Variants in TPD52L2 observed in about 807,000 individuals in gnomAD.
TPD52L2 encodes TPD52 like 2.
Under a neutral mutation model 24.7 loss-of-function variants are expected in TPD52L2, and 19 were observed. The observed-to-expected ratio is 0.77, with a 90% CI of 0.54 to 1.13. TPD52L2 has a LOEUF of 1.13. TPD52L2 is among the 50% of genes most tolerant of loss of function. TPD52L2 has a pLI of 0.00. For missense variants in TPD52L2, 236 were observed against 250.4 expected (o/e 0.94, Z 0.39); for synonymous variants, 104 against 100.2 (o/e 1.04, Z -0.23).
intron 4 of TPD52L2, among the ~76,000 whole-genome samples, chr20:63,878,761 C>T (rs564125694): frequency 2.6e-5 from 4 of 152,286 alleles, no homozygotes; most frequent in East Asian, 1.9e-4. Flanking sequence ...GGGACGAAAC[C>T]GCTGTCTGTC....
In TPD52L2 at chr20:63,883,820, G is replaced by GCCTC. The variant is rs1210002113; in HGVS notation, c.476+1003_476+1004insCCCT. Reference sequence around the variant, plus strand: ...AGATACGTACATCTCCTGCTGGGCTGCCTGCCTGCCTGCCTGCCTGCCTCC... The same window carrying GCCTC: ...AGATACGTACATCTCCTGCTGGGCTGCCTCCCTGCCTGCCTGCCTGCCTGCCTCC... On this transcript the variant is annotated intron_variant, in intron 5 of 6. Coordinates refer to ENST00000346249, the MANE Select transcript of TPD52L2 (RefSeq NM_003288.4). Among the ~76,000 whole-genome samples the GCCTC allele has an allele frequency of 2.5e-4, 21 of 84,614 alleles. No homozygotes were observed. The South Asian group carries it at 5.1e-3, about 21-fold the overall frequency. 55.5% of individuals were successfully genotyped at this position (84,614 alleles called of 152,430 possible).
chr20:63,870,681 G>A (rs1188523594), intron 2 of TPD52L2, among the ~76,000 whole-genome samples: 3 of 149,414 alleles, frequency 2.0e-5, no homozygotes, highest in Non-Finnish European at 4.4e-5. Flanking sequence ...CCACCACCAC[G>A]CCCGGCTAAT....
intron 1 of TPD52L2, among the ~76,000 whole-genome samples, chr20:63,867,294 G>A (rs964101781): frequency 2.6e-5 from 4 of 152,170 alleles, no homozygotes; most frequent in Non-Finnish European, 2.9e-5. Flanking sequence ...GGCTGGGCTC[G>A]GTGGCTTACG....
chr20:63,886,770 G>C (rs2053138242), intron 5 of TPD52L2: 1 of 152,196 alleles, frequency 6.6e-6, no homozygotes, highest in South Asian at 2.1e-4. Context: ...TCAGGCTCCT[G>C]AGTAGCTGGG....
intron 1 of TPD52L2, among the ~76,000 whole-genome samples, chr20:63,867,513 C>A (rs6010686): frequency 0.02 from 3,098 of 151,316 alleles, 106 homozygotes; most frequent in African/African-American, 0.072. Flanking sequence ...TTGCAGTGAG[C>A]GGAGATCGTG....
chr20:63,887,530 C>A (rs367831892), intron 5 of TPD52L2: 1 of 1,612,370 alleles, frequency 6.2e-7, no homozygotes, highest in South Asian at 1.1e-5. Flanking sequence ...TTAACTCTTG[C>A]TTCCTTCTCT....
chr20:63,887,696 T>C, intron 5 of TPD52L2: 15 of 1,311,394 alleles, frequency 1.1e-5, no homozygotes, highest in Non-Finnish European at 1.6e-5. Flanking sequence ...GCCCTTCCCA[T>C]ATTCCTGGAT....
chr20:63,877,898 C>T lies in TPD52L2; in HGVS notation c.374+2023C>T, dbSNP rs940372939. On this transcript the variant is annotated intron_variant, in intron 4 of 6. Coordinates refer to ENST00000346249, the MANE Select transcript of TPD52L2 (RefSeq NM_003288.4). The surrounding 1 kb of genome is among the most constrained non-coding windows in gnomAD (Gnocchi z 4.1). The stretch of plus-strand genomic sequence containing the variant: ...GGCGATGGTTTCTGCCGGGACGGCC[C>T]AGGCCGAGGGCGATGGTTTCTGGTG... 6.6e-6 allele frequency among the ~76,000 whole-genome samples: 1 copy of T among 152,060 alleles called. No homozygotes were observed. The highest frequency in any genetic ancestry group is 1.5e-5 in the Non-Finnish European group (1 of 67,998).
intron 1 of TPD52L2, among the ~76,000 whole-genome samples, chr20:63,866,092 C>A (rs1338883117): frequency 6.6e-6 from 1 of 150,648 alleles, no homozygotes; most frequent in Admixed American, 6.6e-5. Flanking sequence ...TGCTAAATTT[C>A]TTTCTTTCTT....
intron 2 of TPD52L2, among the ~76,000 whole-genome samples, chr20:63,871,854 G>A (rs977936923): frequency 2.8e-4 from 43 of 151,746 alleles, no homozygotes; most frequent in Non-Finnish European, 2.2e-4. Context: ...GGCTGGTCTC[G>A]GACTCCTGAC....
At chr20:63,867,803 G>A (rs1266936710) in intron 1 of TPD52L2, among the ~76,000 whole-genome samples, 2 of 81,220 alleles carry the variant, frequency 2.5e-5, no homozygotes, top group African/African-American at 9.5e-5. Context: ...TTTTTTTTTT[G>A]AGACAGTCTC....
At chr20:63,872,431 G>A (rs1166215635) in intron 2 of TPD52L2, among the ~76,000 whole-genome samples, 4 of 152,166 alleles carry the variant, frequency 2.6e-5, no homozygotes, top group Non-Finnish European at 5.9e-5. Flanking sequence ...AGGCTGGAGT[G>A]CAGTGGCATG....
intron 4 of TPD52L2, among the ~76,000 whole-genome samples, chr20:63,881,119 C>A (rs978673784): frequency 6.6e-6 from 1 of 152,038 alleles, no homozygotes; most frequent in Admixed American, 6.6e-5. Flanking sequence ...CCCAGCACTG[C>A]GGGAGGCCGA....
At chr20:63,879,410 AT>A in intron 4 of TPD52L2, among the ~76,000 whole-genome samples, 1 of 151,856 alleles carries the variant, frequency 6.6e-6, no homozygotes, top group Non-Finnish European at 1.5e-5. Context: ...TGTGGGTGGC[AT>A]TTACCCACCC....
chr20:63,868,493 A>G (rs2052343391), intron 1 of TPD52L2, among the ~76,000 whole-genome samples: 1 of 152,224 alleles, frequency 6.6e-6, no homozygotes, highest in African/African-American at 2.4e-5. Context: ...ATCGGGAGGT[A>G]AGTAAAGGGA....
At chr20:63,883,348 G>T (rs1460449725) in intron 5 of TPD52L2, among the ~76,000 whole-genome samples, 1 of 152,208 alleles carries the variant, frequency 6.6e-6, no homozygotes, top group Non-Finnish European at 1.5e-5. Context: ...TGGGGCCAAG[G>T]AGTGAGCAGG....
chr20:63,880,557 G>A (rs2052854495), intron 4 of TPD52L2, among the ~76,000 whole-genome samples: 1 of 152,260 alleles, frequency 6.6e-6, no homozygotes, highest in Admixed American at 6.5e-5. Context: ...TTATGCATTT[G>A]TTATTTCAGG....
intron 2 of TPD52L2, among the ~76,000 whole-genome samples, chr20:63,871,302 C>T (rs923328624): frequency 6.6e-6 from 1 of 151,578 alleles, no homozygotes; most frequent in South Asian, 2.1e-4. Flanking sequence ...CTCAGCCTCC[C>T]GAAGTGCTAG....
intron 1 of TPD52L2, 64 bp downstream of exon 1, chr20:63,865,448 C>A: frequency 4.0e-6 from 6 of 1,490,788 alleles, no homozygotes; most frequent in Non-Finnish European, 5.3e-6. Flanking sequence ...TCTCCGTCTC[C>A]CGGGGTCGCG....
Sources: gnomAD v4.1 joint callset for allele counts (sites outside exome capture counted in the v4.1 genomes callset) on GRCh38, gnomAD v4.1.1 for gene constraint, Gnocchi (gnomAD v3.1) non-coding constraint, MANE v1.5 for transcripts, NCBI Gene and HGNC (gene_info 2026-07-23, HGNC 2026-07-21) for gene names.